Variants in CFAP299 observed in about 807,000 individuals in gnomAD.
CFAP299 encodes cilia- and flagella-associated protein 299.
In CFAP299, 21 loss-of-function variants were observed where a neutral mutation model predicts 27.0. The ratio of observed to expected loss-of-function variants is 0.78; its 90% CI spans 0.55 to 1.12. The LOEUF is 1.12. CFAP299 is among the 50% of genes most tolerant of loss of function. The pLI is 0.00. For synonymous variants in CFAP299, 104 were observed against 98.1 expected, an observed-to-expected ratio of 1.06 and a Z score of -0.36; for missense variants, 310 against 276.6, an observed-to-expected ratio of 1.12 and a Z score of -0.86.
chr4:80,462,552 G>T (rs1360079187), intron 2 of CFAP299, among the ~76,000 whole-genome samples: 1 of 152,120 alleles, frequency 6.6e-6, no homozygotes, highest in Non-Finnish European at 1.5e-5. Context: ...CAGAGTTTGG[G>T]TTTTATCTCC....
At chr4:80,446,959 AT>A (rs902978606) in intron 2 of CFAP299, among the ~76,000 whole-genome samples, 9 of 151,434 alleles carry the variant, frequency 5.9e-5, no homozygotes, top group South Asian at 2.1e-4. Context: ...TGGTTCAGGA[AT>A]TTTTTTTTAC....
At chr4:80,609,350 G>A (rs1737845952) in intron 3 of CFAP299, among the ~76,000 whole-genome samples, 1 of 152,020 alleles carries the variant, frequency 6.6e-6, no homozygotes, top group Non-Finnish European at 1.5e-5. Flanking sequence ...TGATAACTAT[G>A]TCATGCTGTT....
chr4:80,937,308 C>CTTTTTTTTTTTTTTTTTT (rs1736948672), intron 4 of CFAP299, among the ~76,000 whole-genome samples: 4 of 90,782 alleles, frequency 4.4e-5, no homozygotes, highest in Non-Finnish European at 6.3e-5. Flanking sequence ...CTTTTTTTTT[C>CTTTTTTTTTTTTTTTTTT]TTTCTTTTTT....
intron 2 of CFAP299, among the ~76,000 whole-genome samples, chr4:80,409,248 T>C (rs1269351262): frequency 6.6e-6 from 1 of 152,100 alleles, no homozygotes; most frequent in Non-Finnish European, 1.5e-5. Flanking sequence ...ATATTTGAGT[T>C]ATTGGCAGCC....
intron 2 of CFAP299, among the ~76,000 whole-genome samples, chr4:80,537,471 G>A (rs990007164): frequency 6.6e-6 from 1 of 152,090 alleles, no homozygotes; most frequent in East Asian, 1.9e-4. Context: ...TAAAGAAAAT[G>A]TGGTGTATAC....
At chr4:80,915,464 C>T (rs1560475089) in intron 4 of CFAP299, among the ~76,000 whole-genome samples, 1 of 151,382 alleles carries the variant, frequency 6.6e-6, no homozygotes, top group Non-Finnish European at 1.5e-5. Flanking sequence ...TGTACTGGTT[C>T]CTTGGTGTAA....
At chr4:80,371,439 C>A (rs553634066) in intron 2 of CFAP299, among the ~76,000 whole-genome samples, 1 of 152,164 alleles carries the variant, frequency 6.6e-6, no homozygotes. Context: ...ATGAGTTTTT[C>A]TTTTCTATCA....
chr4:80,917,160 A>C (rs1458005133), intron 4 of CFAP299, among the ~76,000 whole-genome samples: 1 of 152,182 alleles, frequency 6.6e-6, no homozygotes, highest in Non-Finnish European at 1.5e-5. Context: ...AAATAGCTTC[A>C]AGTGGGAGAG....
In CFAP299 at chr4:80,944,833, T is replaced by C. The variant is rs758672351; in HGVS notation, c.500T>C (p.Ile167Thr). ...AGCTTTTACAACTGGGACGCTGATA[T>C]TGCTGTTAGTAATTCAAGTCCCAAC... ...DISFYNWDAD[I>T]AVSNSSPNYQ... Residue 167 changes from isoleucine to threonine, a missense_variant, in exon 5 of 6, where the codon ATT becomes ACT. Transcript: ENST00000358105. The C allele has an allele frequency of 1.2e-6, 2 of 1,607,548 alleles. No homozygotes were observed. Among genetic ancestry groups the C allele is most frequent in the Admixed American group, 1.7e-5 (1 of 59,532 alleles).
chr4:80,351,795 G>C (rs1044816442), intron 1 of CFAP299, among the ~76,000 whole-genome samples: 1 of 150,376 alleles, frequency 6.6e-6, no homozygotes, highest in East Asian at 1.9e-4. Flanking sequence ...TAATATTAAT[G>C]TTATAGTTAT....
intron 2 of CFAP299, among the ~76,000 whole-genome samples, chr4:80,443,344 C>G (rs1728459091): frequency 6.6e-6 from 1 of 152,170 alleles, no homozygotes; most frequent in Admixed American, 6.5e-5. Context: ...GATCAAGTCA[C>G]CTTCATCCCT....
intron 2 of CFAP299, among the ~76,000 whole-genome samples, chr4:80,575,577 T>C (rs965665392): frequency 1.3e-5 from 2 of 151,938 alleles, no homozygotes; most frequent in African/African-American, 4.8e-5. Flanking sequence ...TGATTGTATC[T>C]TTTCAAAAAA....
At chr4:80,617,155 T>C (rs903685597) in intron 3 of CFAP299, among the ~76,000 whole-genome samples, 1 of 152,116 alleles carries the variant, frequency 6.6e-6, no homozygotes, top group African/African-American at 2.4e-5. Context: ...ATTAAAGGAA[T>C]GGTAATTTAA....
intron 3 of CFAP299, among the ~76,000 whole-genome samples, chr4:80,752,270 AAGGTGCTGAATTCACTT>A (rs1265115409): frequency 4.7e-4 from 71 of 151,990 alleles, no homozygotes; most frequent in African/African-American, 1.6e-3. Context: ...ATTTCAGTTG[AAGGTGCTGAATTCACTT>A]GCCCCTTTTC....
intron 3 of CFAP299, among the ~76,000 whole-genome samples, chr4:80,805,695 AT>A (rs1208715409): frequency 2.6e-5 from 4 of 152,110 alleles, no homozygotes; most frequent in Middle Eastern, 3.4e-3. Flanking sequence ...AAGTAAAAAA[AT>A]AAAATAAAAA....
At chr4:80,935,296 T>C (rs1318570712) in intron 4 of CFAP299, among the ~76,000 whole-genome samples, 1 of 152,100 alleles carries the variant, frequency 6.6e-6, no homozygotes, top group African/African-American at 2.4e-5. Context: ...GGCATCACAT[T>C]ACCTAACTTC....
Position 80,529,356 on chromosome 4 carries a change from G to A in CFAP299, c.243-53737G>A, listed in dbSNP as rs181977176. On this transcript the variant is annotated intron_variant, in intron 2 of 5. Coordinates refer to ENST00000358105, the MANE Select transcript of CFAP299 (RefSeq NM_152770.3). ...AAATGCCTTCCTTGGTTTATTTTTA[G>A]AATATACTGCATCATATACAACAGA... Among the ~76,000 whole-genome samples the A allele has an allele frequency of 8.6e-5, 13 of 152,038 alleles. No homozygotes were observed. In the East Asian group the frequency reaches 2.3e-3, roughly 27 times the overall value.
chr4:80,645,772 A>G (rs970099980), intron 3 of CFAP299, among the ~76,000 whole-genome samples: 23 of 152,078 alleles, frequency 1.5e-4, no homozygotes, highest in East Asian at 5.8e-4. Context: ...TTTGGCCCCT[A>G]TCATGTGTTG....
rs1737393038 is a variant in CFAP299, at chr4:80,944,899, G to A, written c.566G>A (p.Arg189Lys). 2 of 1,612,872 alleles carry A rather than the reference G, an allele frequency of 1.2e-6. No homozygotes were observed. Among genetic ancestry groups the A allele is most frequent in the Middle Eastern group, 1.6e-4 (1 of 6,076 alleles). The change falls in exon 5 of 6, where the codon AGA becomes AAA. Residue 189 changes from arginine to lysine, a missense_variant. Arg to Lys is a conservative substitution (Grantham distance 26, BLOSUM62 2). Transcript: ENST00000358105. ...IADNPEGLLF[R>K]YKRDRKILNV... The stretch of plus-strand genomic sequence containing the variant: ...GATAATCCAGAAGGCTTACTTTTCA[G>A]ATACAAAAGAGACAGAAAAATTCTT...
Sources: gnomAD v4.1 joint callset for allele counts (sites outside exome capture counted in the v4.1 genomes callset) on GRCh38, gnomAD v4.1.1 for gene constraint, MANE v1.5 for transcripts, NCBI Gene and HGNC (gene_info 2026-07-23, HGNC 2026-07-21) for gene names.